The following P3H2 variants were observed in gnomAD, a reference collection of about 807,000 sequenced individuals.
The protein encoded by P3H2 is prolyl 3-hydroxylase 2.
P3H2 carries 80 observed loss-of-function variants against 87.0 expected under a neutral mutation model. The observed-to-expected ratio is 0.92, with a 90% CI of 0.77 to 1.11. P3H2 has a LOEUF of 1.11. Among genes scored for constraint, P3H2 ranks in the 50% least tolerant of loss-of-function variants. The pLI is 0.00. For missense variants in P3H2, 1,001 were observed against 923.9 expected (o/e 1.08, Z -1.08); for synonymous variants, 367 against 359.3 (o/e 1.02, Z -0.24).
At chr3:190,066,476 G>A (rs899447803) in intron 1 of P3H2, among the ~76,000 whole-genome samples, 2 of 151,694 alleles carry the variant, frequency 1.3e-5, no homozygotes, top group African/African-American at 4.8e-5. Flanking sequence ...TAAACTTCAG[G>A]GACTCAGGGG....
At chr3:189,982,930 A>G in intron 8 of P3H2, 116 bp downstream of exon 8, 1 of 792,102 alleles carries the variant, frequency 1.3e-6, no homozygotes, top group Admixed American at 1.8e-5. Flanking sequence ...GTAGTAGCTT[A>G]GTCTTATTCT....
At chr3:190,096,138 G>A (rs796993141) in intron 1 of P3H2, among the ~76,000 whole-genome samples, 1 of 152,046 alleles carries the variant, frequency 6.6e-6, no homozygotes, top group African/African-American at 2.4e-5. Context: ...ACAAACAAAC[G>A]CCAAGAACCT....
intron 1 of P3H2, among the ~76,000 whole-genome samples, chr3:190,060,453 C>T (rs1726296904): frequency 6.6e-6 from 1 of 152,098 alleles, no homozygotes; most frequent in Admixed American, 6.6e-5. Context: ...AATGCCAAGC[C>T]AGACTTAAGA....
intron 13 of P3H2, chr3:189,969,384 G>A: frequency 1.3e-6 from 1 of 799,240 alleles, no homozygotes; most frequent in Non-Finnish European, 2.2e-6. Flanking sequence ...AATGTCACCA[G>A]AGTCCTAGCT....
At chr3:190,063,481 C>A (rs1726398055) in intron 1 of P3H2, among the ~76,000 whole-genome samples, 1 of 152,090 alleles carries the variant, frequency 6.6e-6, no homozygotes, top group Non-Finnish European at 1.5e-5. Context: ...CGCTTGCTAC[C>A]AAAGTTATTT....
At chr3:190,049,325 A>C (rs1725902222) in intron 1 of P3H2, among the ~76,000 whole-genome samples, 1 of 152,180 alleles carries the variant, frequency 6.6e-6, no homozygotes, top group Admixed American at 6.5e-5. Flanking sequence ...CACATAAATA[A>C]AACCAGATGC....
At chr3:190,040,098 T>A (rs1725561156) in intron 1 of P3H2, among the ~76,000 whole-genome samples, 1 of 152,196 alleles carries the variant, frequency 6.6e-6, no homozygotes, top group Non-Finnish European at 1.5e-5. Flanking sequence ...TAATTCAAGA[T>A]GCGTATCTTC....
chr3:190,011,649 T>C (rs1023434494), intron 1 of P3H2, among the ~76,000 whole-genome samples: 3 of 152,226 alleles, frequency 2.0e-5, no homozygotes, highest in African/African-American at 7.2e-5. Flanking sequence ...GAATGTCATC[T>C]TAATTTCGTC....
At chr3:189,971,189 T>G (rs540187197) in intron 12 of P3H2, among the ~76,000 whole-genome samples, 9 of 152,374 alleles carry the variant, frequency 5.9e-5, no homozygotes, top group African/African-American at 2.2e-4. Flanking sequence ...TCTAGCCCTT[T>G]GAACGTGCCC....
intron 6 of P3H2, 42 bp from the exon 7 acceptor site, chr3:189,984,632 C>A: frequency 7.5e-7 from 1 of 1,329,282 alleles, no homozygotes; most frequent in Non-Finnish European, 1.1e-6. Flanking sequence ...GTAATTTTGT[C>A]ACTAAAACAT....
chr3:189,967,855 T>A (rs1450180765), intron 13 of P3H2, among the ~76,000 whole-genome samples: 2 of 152,186 alleles, frequency 1.3e-5, no homozygotes, highest in African/African-American at 4.8e-5. Flanking sequence ...TAATACATAC[T>A]TTTTGATATT....
chr3:190,065,420 C>T (rs1453168716), intron 1 of P3H2, among the ~76,000 whole-genome samples: 5 of 152,082 alleles, frequency 3.3e-5, no homozygotes, highest in Non-Finnish European at 7.4e-5. Context: ...GAAGAGTACT[C>T]CTCCCCATCA....
At chr3:189,987,214 C>T (rs1467949047) in intron 5 of P3H2, among the ~76,000 whole-genome samples, 4 of 152,162 alleles carry the variant, frequency 2.6e-5, no homozygotes, top group Non-Finnish European at 5.9e-5. Context: ...GTGGCTCACG[C>T]CTGTAATCCC....
intron 1 of P3H2, among the ~76,000 whole-genome samples, chr3:189,998,151 G>A (rs1054321534): frequency 1.3e-5 from 2 of 151,752 alleles, no homozygotes; most frequent in African/African-American, 4.8e-5. Context: ...CATTAATGAA[G>A]AGTAGAGTTT....
rs375673340 is a variant in P3H2, at chr3:190,009,296, T to C, written c.481-13854A>G. ...GAAACTTGTAAAGCAACTGAGTGAT[T>C]TGTAGCTCTAAAAATTTCCTTCCAG... On this transcript the variant is annotated intron_variant, in intron 1 of 14. Coordinates refer to ENST00000319332, the MANE Select transcript of P3H2 (RefSeq NM_018192.4). Among the ~76,000 whole-genome samples the C allele has an allele frequency of 5.1e-4, 78 of 152,296 alleles. No individual in the cohort carries two copies. In the South Asian group the frequency reaches 0.015, roughly 30 times the overall value.
intron 14 of P3H2, among the ~76,000 whole-genome samples, chr3:189,959,876 G>A (rs1490077724): frequency 2.2e-5 from 1 of 44,562 alleles, no homozygotes; most frequent in Non-Finnish European, 9.8e-5. Context: ...GTGTGTGTGT[G>A]TGTGTGTGTG....
At chr3:190,061,985 T>C (rs1006339591) in intron 1 of P3H2, among the ~76,000 whole-genome samples, 1 of 152,274 alleles carries the variant, frequency 6.6e-6, no homozygotes. Context: ...AGGTACTTAA[T>C]ACATGGTAGT....
chr3:189,995,202 T>C, intron 2 of P3H2, 88 bp downstream of exon 2: 1 of 1,213,726 alleles, frequency 8.2e-7, no homozygotes, highest in South Asian at 1.3e-5. Context: ...CTTTATGAGA[T>C]ATTCATTCAT....
rs1161698568 is a variant in P3H2, at chr3:190,001,387, G to C, written c.481-5945C>G. Among the ~76,000 whole-genome samples the C allele has an allele frequency of 2.0e-5, 3 of 152,222 alleles. No homozygotes were observed. In the East Asian group the frequency reaches 5.8e-4, roughly 29 times the overall value. The stretch of plus-strand genomic sequence containing the variant: ...GAGTAAAACATCAAGCGTAAAATAA[G>C]TAATTTCCATTATTCTCAAACATCA... On this transcript the variant is annotated intron_variant, in intron 1 of 14. Transcript: ENST00000319332.
Sources: allele counts gnomAD v4.1 joint callset (sites outside exome capture counted in the v4.1 genomes callset), GRCh38; gene constraint gnomAD v4.1.1; transcripts MANE v1.5; gene names NCBI Gene and HGNC (gene_info 2026-07-23, HGNC 2026-07-21).